Variants in DLGAP1 observed in about 807,000 individuals in gnomAD.
The protein encoded by DLGAP1 is DLG associated protein 1, also known as disks large-associated protein 1.
DLGAP1 carries 11 observed loss-of-function variants against 90.8 expected under a neutral mutation model. That is an observed-to-expected ratio of 0.12 (90% CI 0.08 to 0.20). The LOEUF (loss-of-function observed/expected upper bound fraction) is 0.20, where lower values mean the gene tolerates loss of function less well. DLGAP1 is among the 10% of genes least tolerant of loss of function. DLGAP1 has a pLI of 1.00. For missense variants in DLGAP1, 1,050 were observed against 1,333.8 expected, an observed-to-expected ratio of 0.79 and a Z score of 3.31; for synonymous variants, 558 against 540.7, an observed-to-expected ratio of 1.03 and a Z score of -0.44.
chr18:3,635,260 A>G (rs1050372372), intron 7 of DLGAP1, among the ~76,000 whole-genome samples: 8 of 151,806 alleles, frequency 5.3e-5, no homozygotes, highest in African/African-American at 1.9e-4. Context: ...CCTCCCGAGT[A>G]GCTGGGACTA....
chr18:3,765,571 C>T (rs1336329974), intron 5 of DLGAP1, among the ~76,000 whole-genome samples: 4 of 152,018 alleles, frequency 2.6e-5, no homozygotes, highest in African/African-American at 2.4e-5. Flanking sequence ...CGGTGGCTCA[C>T]GCCTGTAATC....
In DLGAP1 at chr18:4,454,356, T is replaced by G. The variant is rs895987796; in HGVS notation, c.-267+650A>C. 2.0e-5 allele frequency among the ~76,000 whole-genome samples: 3 copies of G among 152,118 alleles called. No homozygotes were observed. Among genetic ancestry groups the G allele is most frequent in the African/African-American group, 7.2e-5 (3 of 41,448 alleles). ...CCCGCGATTCTCCGGGAATTGGCCT[T>G]GGCCGCGGGCAGGGGGCGACTCTCC... On this transcript the variant is annotated intron_variant, in intron 1 of 12. Transcript: ENST00000315677. This position sits in a 1 kb window ranked among gnomAD's most constrained non-coding sequence, Gnocchi z 4.7.
At chr18:4,093,969 C>T (rs372380994) in intron 2 of DLGAP1, among the ~76,000 whole-genome samples, 7 of 152,108 alleles carry the variant, frequency 4.6e-5, no homozygotes, top group East Asian at 3.8e-4. Context: ...TAATTTAAGA[C>T]GCTCCACTTA....
At chr18:3,857,860 G>T (rs988354532) in intron 4 of DLGAP1, among the ~76,000 whole-genome samples, 3 of 152,094 alleles carry the variant, frequency 2.0e-5, no homozygotes, top group Non-Finnish European at 4.4e-5. Context: ...AAATCCAGCT[G>T]CCTTCATTCC....
chr18:4,396,828 T>C (rs1252085419), intron 1 of DLGAP1, among the ~76,000 whole-genome samples: 2 of 152,202 alleles, frequency 1.3e-5, no homozygotes, highest in Admixed American at 6.5e-5. Flanking sequence ...TGAAGAGCCC[T>C]TGGCTGGGTT....
At chr18:4,310,628 G>T (rs1312976022) in intron 1 of DLGAP1, among the ~76,000 whole-genome samples, 2 of 152,160 alleles carry the variant, frequency 1.3e-5, no homozygotes, top group Non-Finnish European at 2.9e-5. Context: ...ACTCCAGGCT[G>T]CGAGTTCTTT....
chr18:4,030,421 A>C (rs773449961), intron 2 of DLGAP1, among the ~76,000 whole-genome samples: 2 of 152,166 alleles, frequency 1.3e-5, no homozygotes, highest in Non-Finnish European at 2.9e-5. Flanking sequence ...GGCTAAGAAG[A>C]ATGTGTGTTC....
intron 7 of DLGAP1, among the ~76,000 whole-genome samples, chr18:3,710,212 C>G (rs2061557278): frequency 6.6e-6 from 1 of 152,126 alleles, no homozygotes; most frequent in Non-Finnish European, 1.5e-5. Flanking sequence ...CGGAACACTT[C>G]TCACACACTC....
At chr18:3,765,958 C>G (rs74621283) in intron 5 of DLGAP1, among the ~76,000 whole-genome samples, 8 of 151,926 alleles carry the variant, frequency 5.3e-5, no homozygotes, top group Non-Finnish European at 1.2e-4. Context: ...ACAAAATAAA[C>G]AGAAAACAAA....
intron 1 of DLGAP1, among the ~76,000 whole-genome samples, chr18:4,314,041 A>G (rs1020961037): frequency 1.3e-5 from 2 of 152,190 alleles, no homozygotes; most frequent in Admixed American, 1.3e-4. Context: ...AAGCCCCACA[A>G]GAGTGGAGAG....
At chr18:3,916,567 A>G (rs1414209219) in intron 3 of DLGAP1, among the ~76,000 whole-genome samples, 2 of 152,144 alleles carry the variant, frequency 1.3e-5, no homozygotes, top group African/African-American at 4.8e-5. Flanking sequence ...ACATTCACTC[A>G]CATGCTATAA....
intron 3 of DLGAP1, among the ~76,000 whole-genome samples, chr18:3,963,285 C>T (rs1021016037): frequency 3.6e-4 from 55 of 152,268 alleles, no homozygotes; most frequent in African/African-American, 1.2e-3. Flanking sequence ...CCCCTCACCC[C>T]CCAGGGTTCT....
intron 6 of DLGAP1, among the ~76,000 whole-genome samples, chr18:3,737,671 T>G (rs2062709162): frequency 7.5e-6 from 1 of 133,454 alleles, no homozygotes; most frequent in African/African-American, 2.9e-5. Context: ...AATATCATAC[T>G]GAATGGGCAA....
At chr18:3,749,148 CTT>C (rs776707431) in intron 5 of DLGAP1, among the ~76,000 whole-genome samples, 16 of 120,660 alleles carry the variant, frequency 1.3e-4, no homozygotes, top group East Asian at 4.8e-4. Context: ...TCTTCTTCTT[CTT>C]TTTTTTTTTT....
chr18:3,770,246 T>C (rs2064462267), intron 5 of DLGAP1, among the ~76,000 whole-genome samples: 1 of 152,264 alleles, frequency 6.6e-6, no homozygotes, highest in East Asian at 1.9e-4. Context: ...ATTTTCCCTG[T>C]CTGATAGGTC....
chr18:4,152,428 T>G (rs1384071959), intron 1 of DLGAP1, among the ~76,000 whole-genome samples: 1 of 152,170 alleles, frequency 6.6e-6, no homozygotes, highest in East Asian at 1.9e-4. Flanking sequence ...GTGATATGGC[T>G]CGATCAATTT....
intron 3 of DLGAP1, among the ~76,000 whole-genome samples, chr18:3,888,199 T>C (rs1324790751): frequency 6.6e-6 from 1 of 151,818 alleles, no homozygotes; most frequent in Non-Finnish European, 1.5e-5. Context: ...GCCCACTGTT[T>C]GGATATTTTC....
chr18:3,786,316 A>G (rs930903639), intron 5 of DLGAP1, among the ~76,000 whole-genome samples: 12 of 152,114 alleles, frequency 7.9e-5, no homozygotes, highest in African/African-American at 2.9e-4. Flanking sequence ...AAATGCTCCC[A>G]TTTGGTTTTT....
chr18:4,361,662 C>G (rs1387412438), intron 1 of DLGAP1, among the ~76,000 whole-genome samples: 1 of 152,074 alleles, frequency 6.6e-6, no homozygotes, highest in African/African-American at 2.4e-5. Flanking sequence ...AACGATAAAA[C>G]AAAAGCTTCG....
Sources: allele counts gnomAD v4.1 joint callset (sites outside exome capture counted in the v4.1 genomes callset), GRCh38; gene constraint gnomAD v4.1.1; non-coding constraint Gnocchi (gnomAD v3.1); transcripts MANE v1.5; gene names NCBI Gene and HGNC (gene_info 2026-07-23, HGNC 2026-07-21).